Variants in DEPDC7 observed in about 807,000 individuals in gnomAD.
The protein encoded by DEPDC7 is DEP domain containing 7.
Under a neutral mutation model 56.6 loss-of-function variants are expected in DEPDC7, and 41 were observed. The ratio of observed to expected loss-of-function variants is 0.72; its 90% CI spans 0.56 to 0.94. The LOEUF (loss-of-function observed/expected upper bound fraction) is 0.94. Among genes scored for constraint, DEPDC7 ranks in the 40% least tolerant of loss-of-function variants. The pLI is 0.00. For synonymous variants in DEPDC7, 185 were observed against 208.8 expected (o/e 0.89, Z 0.98); for missense variants, 522 against 596.3 (o/e 0.88, Z 1.30).
chr11:33,029,630 A>G (rs1385125389), intron 4 of DEPDC7, among the ~76,000 whole-genome samples: 1 of 151,972 alleles, frequency 6.6e-6, no homozygotes, highest in African/African-American at 2.4e-5. Context: ...CGAGTTCTGT[A>G]TTACTCATAA....
chr11:33,015,991 CCT>C lies in DEPDC7; in HGVS notation c.40_41del (p.Ser14GlyfsTer49). ...TVQEKAAALN[L>X]SALHSPAHRP... is the part of the protein sequence containing the mutation. The stretch of plus-strand genomic sequence containing the variant: ...TGCAGGAGAAGGCTGCTGCGCTGAA[CCT>C]CTCGGCTCTCCACAGCCCCGCGCAC... On this transcript the variant is annotated frameshift_variant, in exon 1 of 9. Transcript: ENST00000241051. LOFTEE classifies it high-confidence loss of function. The C allele has an allele frequency of 6.4e-7, 1 of 1,573,550 alleles. No individual in the cohort carries two copies. The highest frequency in any genetic ancestry group is 8.6e-7 in the Non-Finnish European group (1 of 1,160,626).
chr11:33,022,780 C>T (rs1045061979), intron 1 of DEPDC7, among the ~76,000 whole-genome samples: 2 of 152,140 alleles, frequency 1.3e-5, no homozygotes, highest in African/African-American at 4.8e-5. Context: ...CTCTGTTCAA[C>T]AGAGACTAAA....
chr11:33,025,574 C>A lies in DEPDC7; in HGVS notation c.74-85C>A, dbSNP rs547941463. ...TTATCAATAACTTTGGAAATTACCACATTTTTGCCTAAGGATTGCTTAGAC... is the reference window on the plus strand; with the variant it reads ...TTATCAATAACTTTGGAAATTACCAAATTTTTGCCTAAGGATTGCTTAGAC... On this transcript the variant is annotated intron_variant, in intron 1 of 8. Coordinates refer to ENST00000241051, the MANE Select transcript of DEPDC7 (RefSeq NM_001077242.2). The A allele has an allele frequency of 2.9e-5, 38 of 1,322,160 alleles. No homozygotes were observed. In the South Asian group the frequency reaches 5.3e-4, roughly 18 times the overall value. The allele number at this position is 1,322,160 out of a possible 1,614,324, so 81.9% of individuals were successfully genotyped here. A position where few individuals can be genotyped will look rare whatever the true frequency, so the allele number is the denominator to read the frequency against.
intron 1 of DEPDC7, 127 bp downstream of exon 1, chr11:33,016,155 G>A: frequency 8.1e-7 from 1 of 1,238,298 alleles, no homozygotes; most frequent in South Asian, 3.6e-5. Flanking sequence ...GGCTGGGCGA[G>A]CACAGCACAG....
At chr11:33,028,881 A>G (rs905878182) in intron 4 of DEPDC7, 89 bp downstream of exon 4, 15 of 920,324 alleles carry the variant, frequency 1.6e-5, no homozygotes, top group East Asian at 1.1e-4. Flanking sequence ...TCTTTTTTCT[A>G]TAGGATCAGA....
chr11:33,025,968 GT>G lies in DEPDC7; in HGVS notation c.385del (p.Cys129AlafsTer16). On this transcript the variant is annotated frameshift_variant, in exon 2 of 9. Coordinates refer to ENST00000241051, the MANE Select transcript of DEPDC7 (RefSeq NM_001077242.2). LOFTEE classifies it high-confidence loss of function. The stretch of plus-strand genomic sequence containing the variant: ...AAAAAACCTACATTTGAAGATAGTA[GT>G]TGCAGCCTTTATAGATTCACCACAA... ...KDKKPTFEDS[S>X]CSLYRFTTIP... 6.2e-7 allele frequency: 1 copy of G among 1,614,114 alleles called. No homozygotes were observed. Among genetic ancestry groups the G allele is most frequent in the Non-Finnish European group, 8.5e-7 (1 of 1,180,018 alleles).
intron 1 of DEPDC7, 46 bp from the exon 2 acceptor site, chr11:33,025,613 A>G: frequency 1.3e-6 from 2 of 1,550,044 alleles, no homozygotes; most frequent in Non-Finnish European, 1.7e-6. Flanking sequence ...ATTACAAATG[A>G]ACAAGGTACT....
intron 1 of DEPDC7, chr11:33,016,362 G>T: frequency 7.0e-7 from 1 of 1,424,830 alleles, no homozygotes; most frequent in South Asian, 1.6e-5. Context: ...TATGCTCCGC[G>T]GTGCTACCGG....
intron 6 of DEPDC7, 25 bp from the exon 7 acceptor site, chr11:33,032,643 G>T: frequency 6.7e-7 from 1 of 1,487,880 alleles, no homozygotes; most frequent in Non-Finnish European, 9.1e-7. Flanking sequence ...ATATACTATT[G>T]GATATATTTG....
chr11:33,025,280 T>C (rs565320196), intron 1 of DEPDC7, among the ~76,000 whole-genome samples: 16 of 152,344 alleles, frequency 1.1e-4, no homozygotes, highest in African/African-American at 3.8e-4. Context: ...TCTGCTCAGG[T>C]ATAACCTTAT....
intron 1 of DEPDC7, among the ~76,000 whole-genome samples, chr11:33,024,986 C>T (rs530258863): frequency 5.3e-5 from 8 of 152,116 alleles, no homozygotes; most frequent in Non-Finnish European, 1.0e-4. Flanking sequence ...TCATAGGTTG[C>T]TATTGAAGGT....
intron 2 of DEPDC7, 49 bp downstream of exon 2, chr11:33,026,098 CT>C: frequency 6.2e-7 from 1 of 1,601,926 alleles, no homozygotes. Context: ...AGGATTTTGT[CT>C]ACCTTTTTAT....
Position 33,031,495 on chromosome 11 carries a change from ACTT to A in DEPDC7, c.903_905del (p.Leu302del). ...CAGACCGAACAGACTTAGTGAAAGA[ACTT>A]CTGTTTGATGCCATTGGCAGATATT... On this transcript the variant is annotated inframe_deletion, in exon 5 of 9. Transcript: ENST00000241051. 1 of 1,614,202 alleles carries A rather than the reference ACTT, an allele frequency of 6.2e-7. No homozygotes were observed.
chr11:33,031,284 C>A, intron 4 of DEPDC7, 94 bp from the exon 5 acceptor site: 2 of 865,150 alleles, frequency 2.3e-6, no homozygotes, highest in Non-Finnish European at 1.9e-6. Flanking sequence ...CTTGAAATAG[C>A]TACTGAATTA....
Position 33,033,255 on chromosome 11 carries a change from C to CT in DEPDC7, c.1343-4dup. 6.4e-7 allele frequency: 1 copy of CT among 1,567,998 alleles called. No homozygotes were observed. The highest frequency in any genetic ancestry group is 1.4e-5 in the African/African-American group (1 of 72,504). On this transcript the variant is annotated splice_region_variant and splice_polypyrimidine_tract_variant and intron_variant, in intron 8 of 8. Transcript: ENST00000241051. ...ATTAACTGAACTTTTTACTTTTAAACTTTAAGGATATATTTATTGCCAGAG... is the reference window on the plus strand; with the variant it reads ...ATTAACTGAACTTTTTACTTTTAAACTTTTAAGGATATATTTATTGCCAGAG...
Position 33,033,465 on chromosome 11 carries a change from A to T in DEPDC7, c.*10A>T. On this transcript the variant is annotated 3_prime_UTR_variant, in exon 9 of 9. Coordinates refer to ENST00000241051, the MANE Select transcript of DEPDC7 (RefSeq NM_001077242.2). ...GCATTTTGGAGACTGAGTTTTTAAT[A>T]TCTGTATATAAGTTGTGTATTTTAA... is the stretch of plus-strand genomic sequence containing the variant. 6.6e-7 allele frequency: 1 copy of T among 1,515,924 alleles called. No individual in the cohort carries two copies. Among genetic ancestry groups the T allele is most frequent in the Non-Finnish European group, 8.9e-7 (1 of 1,120,418 alleles). The allele number at this position is 1,515,924 out of a possible 1,614,324, so 93.9% of individuals were successfully genotyped here.
In DEPDC7 at chr11:33,025,948, A is replaced by G. The variant is rs977086642; in HGVS notation, c.363A>G (p.Lys121=). 4.2e-5 allele frequency: 68 copies of G among 1,613,970 alleles called. No individual in the cohort carries two copies. Among genetic ancestry groups the G allele is most frequent in the Non-Finnish European group, 5.5e-5 (65 of 1,180,012 alleles). The change falls in exon 2 of 9, where the codon AAA becomes AAG. Residue 121 remains lysine (K), a synonymous_variant. Transcript: ENST00000241051. ...CCAAAGTCTTTGGAAAAGACAAAAA[A>G]CCTACATTTGAAGATAGTAGTTGCA... is the stretch of plus-strand genomic sequence containing the variant. ...VPTKVFGKDK[K]PTFEDSSCSL...
At chr11:33,016,354 T>A in intron 1 of DEPDC7, 5 of 1,416,574 alleles carry the variant, frequency 3.5e-6, no homozygotes, top group Non-Finnish European at 4.6e-6. Context: ...CTCCGGGATA[T>A]GCTCCGCGGT....
In DEPDC7 at chr11:33,027,697, C is replaced by T; in HGVS notation, c.476C>T (p.Ala159Val). ...TAAATTCATTTTAGGTATGCAGATG[C>T]ATTATTTAAGTCATCCGATATCAGA... ...KLYSPARYAD[A>V]LFKSSDIRSA... Residue 159 changes from alanine (A) to valine (V), a missense_variant, in exon 3 of 9, where the codon GCA becomes GTA. Ala to Val is a moderately conservative substitution (Grantham distance 64). Coordinates refer to ENST00000241051, the MANE Select transcript of DEPDC7 (RefSeq NM_001077242.2). 1 of 1,521,468 alleles carries T rather than the reference C, an allele frequency of 6.6e-7. No individual in the cohort carries two copies. Among genetic ancestry groups the T allele is most frequent in the South Asian group, 1.3e-5 (1 of 76,864 alleles). The allele number at this position is 1,521,468 out of a possible 1,614,324, so 94.2% of individuals were successfully genotyped here.
Sources: gnomAD v4.1 joint callset for allele counts (sites outside exome capture counted in the v4.1 genomes callset) on GRCh38, gnomAD v4.1.1 for gene constraint, MANE v1.5 for transcripts, NCBI Gene and HGNC (gene_info 2026-07-23, HGNC 2026-07-21) for gene names.